Variants in BOK observed in about 807,000 individuals in gnomAD.
The protein encoded by BOK is BCL2 family apoptosis regulator BOK.
In BOK, 20 loss-of-function variants were observed where a neutral mutation model predicts 18.3. That is an observed-to-expected ratio of 1.09 (90% CI 0.77 to 1.59). The LOEUF (loss-of-function observed/expected upper bound fraction) is 1.59. Among genes scored for constraint, BOK ranks in the 40% most tolerant of loss-of-function variants. The pLI, the probability that BOK is intolerant of heterozygous loss-of-function variation, is 0.00. For missense variants in BOK, 348 were observed against 307.9 expected (o/e 1.13, Z -0.97); for synonymous variants, 173 against 142.4 (o/e 1.21, Z -1.53).
At chr2:241,560,777 C>G (rs1253713022) in intron 2 of BOK, among the ~76,000 whole-genome samples, 2 of 152,112 alleles carry the variant, frequency 1.3e-5, no homozygotes, top group Admixed American at 6.5e-5. Context: ...GAGAATGACC[C>G]TAGGGGATCC....
upstream of BOK, among the ~76,000 whole-genome samples, chr2:241,555,289 C>A (rs1451138697): frequency 6.6e-6 from 1 of 151,964 alleles, no homozygotes; most frequent in Non-Finnish European, 1.5e-5. Context: ...TGGGCTCAAG[C>A]AATCCTCTTG....
At chr2:241,556,403 T>G (rs2066450415), upstream of BOK, among the ~76,000 whole-genome samples, 2 of 152,092 alleles carry the variant, frequency 1.3e-5, 1 homozygote, top group South Asian at 4.1e-4. Context: ...GCCAACATGG[T>G]GAAACCCCCT....
At chr2:241,558,054 G>GACACACACACAC (rs60885185), upstream of BOK, among the ~76,000 whole-genome samples, 4,097 of 143,316 alleles carry the variant, frequency 0.029, 119 homozygotes, top group African/African-American at 0.064. Context: ...AGAGTTCCGA[G>GACACACACACAC]ACACACACAC....
chr2:241,558,740 C>G (rs903376051), upstream of BOK: 1 of 152,320 alleles, frequency 6.6e-6, no homozygotes, highest in Non-Finnish European at 1.5e-5. Context: ...AGCCCCAAGC[C>G]CAGCCTCTCG....
rs2066478573 is a variant in BOK at position 241,558,899 on chromosome 2, G to T, written c.-124G>T. 1 of 151,786 alleles carries T rather than the reference G, an allele frequency of 6.6e-6. No homozygotes were observed. The highest frequency in any genetic ancestry group is 1.9e-4 in the East Asian group (1 of 5,182). The allele number at this position is 151,786 out of a possible 1,614,324, so 9.4% of individuals were successfully genotyped here. A position where few individuals can be genotyped will look rare whatever the true frequency, so the allele number is the denominator to read the frequency against. On this transcript the variant is annotated 5_prime_UTR_variant, in exon 1 of 5. Coordinates refer to ENST00000318407, the MANE Select transcript of BOK (RefSeq NM_032515.5). ...GCGCCGGGGCGGGGCGCGCGTCCTC[G>T]CGGGTCTGAATGGAAGGGTCGAGGT...
upstream of BOK, among the ~76,000 whole-genome samples, chr2:241,556,581 CA>C (rs55866928): frequency 0.023 from 1,990 of 86,672 alleles, 11 homozygotes; most frequent in African/African-American, 0.034. Context: ...GACTCCGTCT[CA>C]AAAAAAAAAA....
chr2:241,559,662 CG>C lies in BOK; in HGVS notation c.182del (p.Gly61AspfsTer19). 7.2e-7 allele frequency: 1 copy of C among 1,382,422 alleles called. No homozygotes were observed. Among genetic ancestry groups the C allele is most frequent in the Non-Finnish European group, 9.3e-7 (1 of 1,077,056 alleles). 85.6% of individuals were successfully genotyped at this position (1,382,422 alleles called of 1,614,324 possible). On this transcript the variant is annotated frameshift_variant, in exon 2 of 5. Coordinates refer to ENST00000318407, the MANE Select transcript of BOK (RefSeq NM_032515.5). LOFTEE classifies it high-confidence loss of function. ...WSAPERAAPV[P>X]GRLAEVCAVL... ...GCGCCCGAGCGTGCCGCGCCGGTCCCGGGACGCCTGGCTGAGGTGTGCGCGG... is the reference window on the plus strand; with the variant it reads ...GCGCCCGAGCGTGCCGCGCCGGTCCCGGACGCCTGGCTGAGGTGTGCGCGG...
At chr2:241,556,597 A>AG (rs1559197738), upstream of BOK, among the ~76,000 whole-genome samples, 1 of 151,720 alleles carries the variant, frequency 6.6e-6, no homozygotes, top group Non-Finnish European at 1.5e-5. Flanking sequence ...AAAAAAAAAA[A>AG]AAAAAGAATT....
chr2:241,555,534 C>T (rs1226309635), upstream of BOK, among the ~76,000 whole-genome samples: 1 of 152,164 alleles, frequency 6.6e-6, no homozygotes, highest in Non-Finnish European at 1.5e-5. Flanking sequence ...CGCCACCACG[C>T]CTGGCTAATT....
chr2:241,564,680 C>T (rs1215749638), intron 3 of BOK, among the ~76,000 whole-genome samples: 2 of 152,066 alleles, frequency 1.3e-5, no homozygotes, highest in Admixed American at 6.5e-5. Context: ...CAGGCAGGCA[C>T]GGGGCAGGCA....
At position 241,562,439 on chromosome 2, in the gene BOK, T is replaced by A. The variant is rs2066543853; in HGVS notation, c.312T>A (p.Asp104Glu). Residue 104 changes from aspartate to glutamate, a missense_variant, in exon 3 of 5, where the codon GAT becomes GAA. Coordinates refer to ENST00000318407, the MANE Select transcript of BOK (RefSeq NM_032515.5). This position sits in a 1 kb window ranked among gnomAD's most constrained non-coding sequence, Gnocchi z 4.5. ...ISLQSEPVVT[D>E]AFLAVAGHIF... Reference sequence around the variant, plus strand: ...TGCAGTCTGAGCCTGTGGTGACCGATGCGTTCCTGGCCGTGGCTGGCCACA... The same window carrying A: ...TGCAGTCTGAGCCTGTGGTGACCGAAGCGTTCCTGGCCGTGGCTGGCCACA... The A allele has an allele frequency of 6.2e-7, 1 of 1,612,278 alleles. No homozygotes were observed. The highest frequency in any genetic ancestry group is 2.2e-5 in the East Asian group (1 of 44,872).
chr2:241,554,729 A>T (rs2066438142), upstream of BOK, among the ~76,000 whole-genome samples: 1 of 152,230 alleles, frequency 6.6e-6, no homozygotes. Flanking sequence ...AGTCTGTCTG[A>T]GAGTGGAGCC....
chr2:241,572,323 C>T lies in BOK; in HGVS notation c.540C>T (p.Ser180=), dbSNP rs774034387. The T allele has an allele frequency of 1.9e-6, 3 of 1,611,468 alleles. No homozygotes were observed. The highest frequency in any genetic ancestry group is 2.5e-6 in the Non-Finnish European group (3 of 1,179,898). ...GWTDVLKCVV[S]TDPGLRSHWL... ...CTGATGTCCTCAAGTGTGTGGTCAG[C>T]ACAGACCCTGGCCTCCGCTCCCACT... is the stretch of plus-strand genomic sequence containing the variant. Residue 180 remains serine (S), a synonymous_variant, in exon 5 of 5, where the codon AGC becomes AGT. Transcript: ENST00000318407.
At chr2:241,558,398 G>A (rs909031887), upstream of BOK, among the ~76,000 whole-genome samples, 17 of 152,174 alleles carry the variant, frequency 1.1e-4, no homozygotes, top group African/African-American at 4.1e-4. Flanking sequence ...ACAAAATAGA[G>A]GAAGATATTT....
rs747958315 is a variant in BOK, at chr2:241,572,401, C to T, written c.618C>T (p.Phe206=). The part of the protein sequence containing the change: ...SFGRFLKAAF[F]VLLPER ...GCCGCTTCCTGAAGGCTGCCTTCTT[C>T]GTGCTGCTGCCAGAGAGATGAGCTG... The change falls in exon 5 of 5, where the codon TTC becomes TTT. Residue 206 remains phenylalanine (F), a synonymous_variant. Transcript: ENST00000318407. The T allele has an allele frequency of 2.9e-5, 46 of 1,600,170 alleles. No homozygotes were observed. Among genetic ancestry groups the T allele is most frequent in the African/African-American group, 2.3e-4 (17 of 74,894 alleles).
chr2:241,556,778 C>T (rs1183639538), upstream of BOK, among the ~76,000 whole-genome samples: 1 of 152,056 alleles, frequency 6.6e-6, no homozygotes, highest in African/African-American at 2.4e-5. Context: ...GAAATACTCC[C>T]TCATTTTTAG....
chr2:241,552,702 G>A (rs2066423134), intron 1 of BOK, among the ~76,000 whole-genome samples: 1 of 152,154 alleles, frequency 6.6e-6, no homozygotes, highest in African/African-American at 2.4e-5. Flanking sequence ...TTTAAACGCT[G>A]ACACCCATGA....
upstream of BOK, among the ~76,000 whole-genome samples, chr2:241,554,176 C>T (rs549343345): frequency 7.9e-5 from 12 of 152,282 alleles, no homozygotes; most frequent in South Asian, 1.7e-3. Context: ...AGGATGCTCC[C>T]GTTCTGTGCC....
chr2:241,571,761 C>T (rs1443657288), intron 4 of BOK, among the ~76,000 whole-genome samples: 1 of 152,236 alleles, frequency 6.6e-6, no homozygotes, highest in Admixed American at 6.5e-5. Context: ...ATTGGACGTT[C>T]ATTCACTTCC....
Sources: gnomAD v4.1 joint callset for allele counts (sites outside exome capture counted in the v4.1 genomes callset) on GRCh38, gnomAD v4.1.1 for gene constraint, Gnocchi (gnomAD v3.1) non-coding constraint, MANE v1.5 for transcripts, NCBI Gene and HGNC (gene_info 2026-07-23, HGNC 2026-07-21) for gene names.